Variants in TESK2 observed in about 807,000 individuals in gnomAD.
TESK2 encodes the protein dual specificity testis-specific protein kinase 2.
Under a neutral mutation model 57.1 loss-of-function variants are expected in TESK2, and 39 were observed. The ratio of observed to expected loss-of-function variants is 0.68; its 90% CI spans 0.53 to 0.89. The LOEUF is 0.89. TESK2 is among the 40% of genes least tolerant of loss of function. TESK2 has a pLI of 0.00. For synonymous variants in TESK2, 249 were observed against 267.9 expected (o/e 0.93, Z 0.69); for missense variants, 646 against 732.1 (o/e 0.88, Z 1.36).
chr1:45,457,712 C>T lies in TESK2; in HGVS notation c.74G>A (p.Gly25Asp). The T allele has an allele frequency of 1.2e-6, 2 of 1,614,170 alleles. No individual in the cohort carries two copies. The highest frequency in any genetic ancestry group is 1.7e-6 in the Non-Finnish European group (2 of 1,180,028). Residue 25 changes from glycine (G) to aspartate (D), a missense_variant, in exon 2 of 11, where the codon GGT (glycine) becomes GAT (aspartate). Transcript: ENST00000372086. ...RVERLEEFEG[G>D]GGGEGNVSQV... is the part of the protein sequence containing the mutation. The stretch of plus-strand genomic sequence containing the variant: ...GCTCACATTTCCTTCTCCTCCACCA[C>T]CTCCTTCAAACTCTTCAAGACGCTC...
chr1:45,421,737 G>A lies in TESK2; in HGVS notation c.332C>T (p.Pro111Leu), dbSNP rs1257611941. ...EVQLMNRLSH[P>L]NILRFMGVCV... ...GAAAAGCCATTACCTAAGGATGTTGGGATGGGAGAGTCTATTCATGAGCTG... is the reference window on the plus strand; with the variant it reads ...GAAAAGCCATTACCTAAGGATGTTGAGATGGGAGAGTCTATTCATGAGCTG... Residue 111 changes from proline (P) to leucine (L), a missense_variant, in exon 3 of 11, where the codon CCC becomes CTC. Pro to Leu is a moderately conservative substitution (Grantham distance 98). Coordinates refer to ENST00000372086, the MANE Select transcript of TESK2 (RefSeq NM_007170.3). 2.5e-6 allele frequency: 4 copies of A among 1,613,988 alleles called. No homozygotes were observed. Among genetic ancestry groups the A allele is most frequent in the South Asian group, 1.1e-5 (1 of 91,076 alleles).
At position 45,346,711 on chromosome 1, in the gene TESK2, A is replaced by C; in HGVS notation, c.861T>G (p.Leu287=). ...VGDCPPDFLQ[L]TFNCCNMDPK... The stretch of plus-strand genomic sequence containing the variant: ...CACTCACGTTACAGCAGTTGAAAGT[A>C]AGTTGCAGAAAATCTGGGGGACAGT... Residue 287 remains leucine (L), a synonymous_variant, in exon 9 of 11, where the codon CTT becomes CTG. Coordinates refer to ENST00000372086, the MANE Select transcript of TESK2 (RefSeq NM_007170.3). 6.2e-7 allele frequency: 1 copy of C among 1,613,872 alleles called. No individual in the cohort carries two copies. The highest frequency in any genetic ancestry group is 8.5e-7 in the Non-Finnish European group (1 of 1,179,920).
chr1:45,410,238 C>T (rs1225195610), intron 3 of TESK2, among the ~76,000 whole-genome samples: 1 of 152,030 alleles, frequency 6.6e-6, no homozygotes, highest in Non-Finnish European at 1.5e-5. Flanking sequence ...ACCTAGTTAC[C>T]CACCAGGATT....
rs1254293969 is a variant in TESK2 at position 45,345,040 on chromosome 1, C to A, written c.1516G>T (p.Ala506Ser). Residue 506 changes from alanine (A) to serine (S), a missense_variant, in exon 11 of 11, where the codon GCT (alanine) becomes TCT (serine). Physicochemically the swap from Ala to Ser is moderately conservative, Grantham distance 99. Coordinates refer to ENST00000372086, the MANE Select transcript of TESK2 (RefSeq NM_007170.3). ...TCCATAGCCTCATGGGCTTGAGCAG[C>A]TGGTAGGGCAGATGCCCGGAATGGT... ...IPPFRASALPAAQAHEAMDCS... is the reference protein window; with the variant it reads ...IPPFRASALPSAQAHEAMDCS... The A allele has an allele frequency of 6.2e-7, 1 of 1,614,238 alleles. No individual in the cohort carries two copies. The highest frequency in any genetic ancestry group is 2.2e-5 in the East Asian group (1 of 44,876).
intron 3 of TESK2, chr1:45,413,710 A>T (rs1650126483): frequency 2.9e-6 from 1 of 342,264 alleles, no homozygotes; most frequent in Admixed American, 3.6e-5. Flanking sequence ...GACTAGATGA[A>T]GCCAAGAGAA....
chr1:45,439,237 A>T (rs1295378717), intron 2 of TESK2, among the ~76,000 whole-genome samples: 1 of 152,202 alleles, frequency 6.6e-6, no homozygotes, highest in Non-Finnish European at 1.5e-5. Context: ...CTGCATATGC[A>T]CTAAATAATA....
At chr1:45,484,375 C>T (rs1191907653) in intron 1 of TESK2, among the ~76,000 whole-genome samples, 1 of 151,924 alleles carries the variant, frequency 6.6e-6, no homozygotes, top group Non-Finnish European at 1.5e-5. Flanking sequence ...GCCCAAAGTG[C>T]TGGAGTTACA....
At chr1:45,351,940 A>C (rs1013511653) in intron 5 of TESK2, among the ~76,000 whole-genome samples, 2 of 152,212 alleles carry the variant, frequency 1.3e-5, no homozygotes, top group African/African-American at 4.8e-5. Flanking sequence ...CAACAGAACA[A>C]TCAAGTGATA....
chr1:45,365,261 G>C (rs1647862295), intron 4 of TESK2, among the ~76,000 whole-genome samples: 1 of 152,140 alleles, frequency 6.6e-6, no homozygotes, highest in Non-Finnish European at 1.5e-5. Context: ...TATCTGCCAA[G>C]GACTGAATTT....
chr1:45,373,595 G>T (rs1648290537), intron 4 of TESK2, among the ~76,000 whole-genome samples: 1 of 152,150 alleles, frequency 6.6e-6, no homozygotes, highest in Non-Finnish European at 1.5e-5. Context: ...TGTTAAATAG[G>T]AAACAGACAC....
chr1:45,443,437 G>T (rs1044564810), intron 2 of TESK2, among the ~76,000 whole-genome samples: 21 of 151,662 alleles, frequency 1.4e-4, no homozygotes, highest in African/African-American at 2.9e-4. Flanking sequence ...CGAACATGTG[G>T]TGCATGCCTG....
chr1:45,344,660 T>C lies in TESK2; in HGVS notation c.*180A>G, dbSNP rs1647112048. ...GCTGTTGGCCCTAACTAGGAAGGCCTCTCACTGCTGCCTCCCGTCATACAC... is the reference window on the plus strand; with the variant it reads ...GCTGTTGGCCCTAACTAGGAAGGCCCCTCACTGCTGCCTCCCGTCATACAC... On this transcript the variant is annotated 3_prime_UTR_variant, in exon 11 of 11. Coordinates refer to ENST00000372086, the MANE Select transcript of TESK2 (RefSeq NM_007170.3). 6.5e-6 allele frequency: 4 copies of C among 615,440 alleles called. No homozygotes were observed. In the East Asian group the frequency reaches 1.1e-4, roughly 17 times the overall value. The allele number at this position is 615,440 out of a possible 1,614,324, so 38.1% of individuals were successfully genotyped here. A position where few individuals can be genotyped will look rare whatever the true frequency, so the allele number is the denominator to read the frequency against.
intron 2 of TESK2, among the ~76,000 whole-genome samples, chr1:45,448,249 A>G (rs1440303342): frequency 1.3e-5 from 2 of 149,374 alleles, no homozygotes; most frequent in East Asian, 1.9e-4. Context: ...AAAAAAAAAA[A>G]AAAAAAGAAA....
At chr1:45,460,275 T>C (rs1652280484) in intron 1 of TESK2, among the ~76,000 whole-genome samples, 1 of 152,182 alleles carries the variant, frequency 6.6e-6, no homozygotes, top group South Asian at 2.1e-4. Context: ...CCCAGCACTT[T>C]GGGAGGCCAA....
chr1:45,344,064 A>G lies in TESK2; in HGVS notation c.*776T>C, dbSNP rs908878567. The G allele has an allele frequency of 2.5e-5, 6 of 237,506 alleles. No homozygotes were observed. The highest frequency in any genetic ancestry group is 1.1e-4 in the African/African-American group (5 of 44,908). The allele number at this position is 237,506 out of a possible 1,614,324, so 14.7% of individuals were successfully genotyped here. A position where few individuals can be genotyped will look rare whatever the true frequency, so the allele number is the denominator to read the frequency against. Reference sequence around the variant, plus strand: ...TCCAGCCATGGCAGGAAGGGAAGCAAATCAGTCCCTGTATAAACCATTTAA... The same window carrying G: ...TCCAGCCATGGCAGGAAGGGAAGCAGATCAGTCCCTGTATAAACCATTTAA... On this transcript the variant is annotated 3_prime_UTR_variant, in exon 11 of 11. Coordinates refer to ENST00000372086, the MANE Select transcript of TESK2 (RefSeq NM_007170.3).
chr1:45,475,340 G>A (rs1364986133), intron 1 of TESK2, among the ~76,000 whole-genome samples: 1 of 151,210 alleles, frequency 6.6e-6, no homozygotes, highest in African/African-American at 2.4e-5. Context: ...CCAAGTAGCT[G>A]GGACTACAGG....
At chr1:45,373,177 C>T (rs1355167146) in intron 4 of TESK2, among the ~76,000 whole-genome samples, 3 of 152,118 alleles carry the variant, frequency 2.0e-5, no homozygotes, top group Non-Finnish European at 4.4e-5. Flanking sequence ...TTCAGGACCA[C>T]TCCAGCTGGC....
chr1:45,391,443 G>A (rs897737375), intron 3 of TESK2, among the ~76,000 whole-genome samples: 15 of 151,954 alleles, frequency 9.9e-5, no homozygotes, highest in Non-Finnish European at 2.2e-4. Flanking sequence ...GTCTTGAACT[G>A]TTTGTGTCAA....
chr1:45,420,231 T>G (rs1266861979), intron 3 of TESK2, among the ~76,000 whole-genome samples: 1 of 152,150 alleles, frequency 6.6e-6, no homozygotes, highest in East Asian at 1.9e-4. Flanking sequence ...AAGAAAAATT[T>G]TTTTTAACAA....
Sources: allele counts gnomAD v4.1 joint callset (sites outside exome capture counted in the v4.1 genomes callset), GRCh38; gene constraint gnomAD v4.1.1; transcripts MANE v1.5; gene names NCBI Gene and HGNC (gene_info 2026-07-23, HGNC 2026-07-21).